SPMIP7: variants seen among roughly 807,000 people sequenced by gnomAD.
SPMIP7 encodes sperm microtubule inner protein 7, also known as protein SPMIP7.
the SPMIP7 span, chr7:50,140,262 A>G: frequency 1.3e-6 from 1 of 765,900 alleles, no homozygotes; most frequent in African/African-American, 1.8e-5. Flanking sequence ...CGCATGTTGT[A>G]TTCACTTTTT....
chr7:50,158,870 C>G, the SPMIP7 span, among the ~76,000 whole-genome samples: 1 of 152,158 alleles, frequency 6.6e-6, no homozygotes, highest in East Asian at 1.9e-4. Context: ...CTGCGCAGCA[C>G]AGAGGTGCAA....
At chr7:50,149,994 A>G in the SPMIP7 span, among the ~76,000 whole-genome samples, 2 of 152,182 alleles carry the variant, frequency 1.3e-5, no homozygotes, top group South Asian at 4.2e-4. Context: ...GACATGGGGA[A>G]CCGGGGACTG....
At chr7:50,155,860 G>GATGTCATCCATGGCC in the SPMIP7 span, among the ~76,000 whole-genome samples, 2 of 152,278 alleles carry the variant, frequency 1.3e-5, 1 homozygote, top group Non-Finnish European at 2.9e-5. Flanking sequence ...TGCACATACA[G>GATGTCATCCATGGCC]CTCTCATCCA....
At chr7:50,096,522 A>G in the SPMIP7 span, 1 of 1,551,856 alleles carries the variant, frequency 6.4e-7, no homozygotes, top group Admixed American at 2.0e-5. Context: ...CCCAGACCAG[A>G]CACAGGATTT....
At chr7:50,096,069 T>C in the SPMIP7 span, 2 of 1,440,152 alleles carry the variant, frequency 1.4e-6, no homozygotes, top group South Asian at 3.1e-5. Flanking sequence ...TTATCAAAAA[T>C]TCTAAAGAAA....
the SPMIP7 span, among the ~76,000 whole-genome samples, chr7:50,107,404 A>G: frequency 2.0e-5 from 3 of 147,658 alleles, no homozygotes; most frequent in African/African-American, 7.4e-5. Flanking sequence ...AAGAAAAAGA[A>G]AAAAAAAAAA....
At chr7:50,147,993 A>G in the SPMIP7 span, among the ~76,000 whole-genome samples, 1 of 152,184 alleles carries the variant, frequency 6.6e-6, no homozygotes, top group African/African-American at 2.4e-5. Context: ...CCCGGCTTGT[A>G]TGTTTCAGTA....
At chr7:50,129,973 C>T in the SPMIP7 span, among the ~76,000 whole-genome samples, 3 of 152,036 alleles carry the variant, frequency 2.0e-5, no homozygotes, top group Non-Finnish European at 4.4e-5. Context: ...TAAGGCACAC[C>T]TATGCTTGAT....
chr7:50,147,224 T>C, the SPMIP7 span, among the ~76,000 whole-genome samples: 3 of 152,366 alleles, frequency 2.0e-5, no homozygotes, highest in Middle Eastern at 6.8e-3. Flanking sequence ...ATCACATTGA[T>C]TTGAACCTGC....
At chr7:50,127,858 G>A in the SPMIP7 span, among the ~76,000 whole-genome samples, 2 of 151,888 alleles carry the variant, frequency 1.3e-5, no homozygotes, top group African/African-American at 4.8e-5. Flanking sequence ...TTCATTCACT[G>A]TTGGTAGAAA....
chr7:50,097,732 G>C, the SPMIP7 span, among the ~76,000 whole-genome samples: 1 of 145,470 alleles, frequency 6.9e-6, no homozygotes, highest in African/African-American at 2.5e-5. Context: ...AAGATAATAA[G>C]TAAGGGCCAT....
chr7:50,097,254 T>C, the SPMIP7 span, among the ~76,000 whole-genome samples: 4 of 152,246 alleles, frequency 2.6e-5, no homozygotes, highest in African/African-American at 9.6e-5. Flanking sequence ...ACAGGTACTA[T>C]TTTCTGTATA....
At chr7:50,107,304 C>T in the SPMIP7 span, among the ~76,000 whole-genome samples, 5 of 124,912 alleles carry the variant, frequency 4.0e-5, no homozygotes, top group East Asian at 2.6e-4. Flanking sequence ...TGCAGTGAGC[C>T]GAGATAGCAC....
the SPMIP7 span, chr7:50,136,000 G>T: frequency 7.1e-6 from 6 of 848,140 alleles, no homozygotes; most frequent in East Asian, 1.6e-4. Context: ...CTGGGGCATA[G>T]CTATGACGTA....
chr7:50,098,147 C>T, the SPMIP7 span, among the ~76,000 whole-genome samples: 1 of 152,150 alleles, frequency 6.6e-6, no homozygotes, highest in South Asian at 2.1e-4. Context: ...TACATACACA[C>T]TGGTATGCTC....
At chr7:50,152,435 T>C in the SPMIP7 span, among the ~76,000 whole-genome samples, 6 of 152,154 alleles carry the variant, frequency 3.9e-5, no homozygotes, top group Non-Finnish European at 8.8e-5. Context: ...AGCACATGGT[T>C]ACTCATTTAT....
chr7:50,156,060 G>C, the SPMIP7 span, among the ~76,000 whole-genome samples: 6 of 152,122 alleles, frequency 3.9e-5, no homozygotes, highest in African/African-American at 1.4e-4. Context: ...CCTGGCAAGC[G>C]GTGGTGTTCT....
chr7:50,151,326 G>GAA, the SPMIP7 span: 10 of 741,494 alleles, frequency 1.3e-5, no homozygotes, highest in Non-Finnish European at 1.9e-5. Context: ...CCTCATACAG[G>GAA]AAAAAAAAAA....
the SPMIP7 span, among the ~76,000 whole-genome samples, chr7:50,132,519 G>A: frequency 6.6e-6 from 1 of 151,990 alleles, no homozygotes; most frequent in Non-Finnish European, 1.5e-5. Context: ...AGTATCCTTA[G>A]GGAAAAGTTT....
Sources: gnomAD v4.1 joint callset for allele counts (sites outside exome capture counted in the v4.1 genomes callset) on GRCh38, gnomAD v4.1.1 for gene constraint, MANE v1.5 for transcripts, NCBI Gene and HGNC (gene_info 2026-07-23, HGNC 2026-07-21) for gene names.